Variants in FSHR observed in about 807,000 individuals in gnomAD.
FSHR encodes follicle stimulating hormone receptor.
A neutral mutation model predicts 52.1 loss-of-function variants in FSHR; 46 were observed. That is an observed-to-expected ratio of 0.88 (90% CI 0.70 to 1.13). The LOEUF (loss-of-function observed/expected upper bound fraction) is 1.13, where lower values mean the gene tolerates loss of function less well. FSHR is among the 50% of genes most tolerant of loss of function. The pLI, the probability that FSHR is intolerant of heterozygous loss-of-function variation, is 0.00. For missense variants in FSHR, 964 were observed against 834.6 expected, an observed-to-expected ratio of 1.16 and a Z score of -1.91; for synonymous variants, 399 against 309.6, an observed-to-expected ratio of 1.29 and a Z score of -3.03.
rs572109917 is a variant in FSHR, at chr2:49,116,811, C to A, written c.152+37455G>T. Among the ~76,000 whole-genome samples the A allele has an allele frequency of 3.3e-5, 5 of 152,208 alleles. No individual in the cohort carries two copies. The East Asian group carries it at 9.7e-4, about 29-fold the overall frequency. ...GGTCAAATCAGGGTTCTTAGTGTAACTCTGTTATTTCAAGATTCTGGTCTC... is the reference window on the plus strand; with the variant it reads ...GGTCAAATCAGGGTTCTTAGTGTAAATCTGTTATTTCAAGATTCTGGTCTC... On this transcript the variant is annotated intron_variant, in intron 1 of 9. Coordinates refer to ENST00000406846, the MANE Select transcript of FSHR (RefSeq NM_000145.4).
chr2:48,972,138 A>G (rs1017154541), intron 8 of FSHR, among the ~76,000 whole-genome samples: 1 of 152,168 alleles, frequency 6.6e-6, no homozygotes, highest in Non-Finnish European at 1.5e-5. Flanking sequence ...GGCCTTCCTG[A>G]TATTTTCTGA....
intron 1 of FSHR, among the ~76,000 whole-genome samples, chr2:49,093,667 T>G (rs1670705381): frequency 6.7e-6 from 1 of 150,022 alleles, no homozygotes; most frequent in African/African-American, 2.5e-5. Context: ...CGATCGCAGC[T>G]CGCTGCAACC....
At chr2:48,988,897 A>T in intron 6 of FSHR, 80 bp downstream of exon 6, 1 of 1,191,798 alleles carries the variant, frequency 8.4e-7, no homozygotes, top group Non-Finnish European at 1.2e-6. Flanking sequence ...CAAACAAAAA[A>T]GGAGCATCCA....
At chr2:49,042,952 T>G (rs17038129) in intron 2 of FSHR, among the ~76,000 whole-genome samples, 8,815 of 152,100 alleles carry the variant, frequency 0.058, 305 homozygotes, top group Middle Eastern at 0.078. Flanking sequence ...GACAACACCT[T>G]AGGAAAAAAG....
At chr2:49,013,513 T>TAAATATATATATAA (rs36099655) in intron 4 of FSHR, among the ~76,000 whole-genome samples, 24 of 136,572 alleles carry the variant, frequency 1.8e-4, no homozygotes, top group African/African-American at 6.4e-4. Flanking sequence ...TATATATATA[T>TAAATATATATATAA]ATAAATATAT....
Position 49,020,162 on chromosome 2 carries a change from T to C in FSHR, c.225-2A>G. 6.2e-7 allele frequency: 1 copy of C among 1,611,898 alleles called. No individual in the cohort carries two copies. The highest frequency in any genetic ancestry group is 8.5e-7 in the Non-Finnish European group (1 of 1,178,034). On this transcript the variant is annotated splice_acceptor_variant, in intron 2 of 9. Coordinates refer to ENST00000406846, the MANE Select transcript of FSHR (RefSeq NM_000145.4). LOFTEE classifies it high-confidence loss of function. ...AAGACATCATTCTGAGAGATCTCTC[T>C]GTGGAGAAAAAAATATATAAGTCAA...
chr2:49,059,922 C>A (rs1187786206), intron 2 of FSHR, among the ~76,000 whole-genome samples: 5 of 152,108 alleles, frequency 3.3e-5, no homozygotes, highest in Middle Eastern at 6.8e-3. Context: ...GAAAAGACAA[C>A]CACAGAATGG....
chr2:48,973,890 A>G (rs1250013145), intron 8 of FSHR, among the ~76,000 whole-genome samples: 24 of 152,232 alleles, frequency 1.6e-4, no homozygotes, highest in African/African-American at 4.8e-4. Flanking sequence ...TTGTCTTTTC[A>G]TGTATGTTTG....
chr2:49,065,547 G>A (rs1297298465), intron 2 of FSHR, among the ~76,000 whole-genome samples: 3 of 152,034 alleles, frequency 2.0e-5, no homozygotes, highest in African/African-American at 4.8e-5. Flanking sequence ...ATGGGAATAC[G>A]AGAAATTTAA....
At chr2:49,049,030 C>CT (rs1192855910) in intron 2 of FSHR, among the ~76,000 whole-genome samples, 5 of 151,838 alleles carry the variant, frequency 3.3e-5, no homozygotes, top group Non-Finnish European at 7.4e-5. Flanking sequence ...TGCAGCTTAC[C>CT]TTTAGATTGC....
chr2:48,975,749 A>G (rs1674959464), intron 8 of FSHR, among the ~76,000 whole-genome samples: 2 of 152,252 alleles, frequency 1.3e-5, no homozygotes, highest in East Asian at 3.9e-4. Flanking sequence ...CTCTGTAGCA[A>G]TTGTGAATGG....
chr2:49,052,729 G>A (rs771634514), intron 2 of FSHR, among the ~76,000 whole-genome samples: 4 of 152,128 alleles, frequency 2.6e-5, no homozygotes, highest in Admixed American at 2.0e-4. Flanking sequence ...TCTCCTTTTC[G>A]CTTTGAGTAA....
chr2:49,061,641 A>T (rs1572694448), intron 2 of FSHR, among the ~76,000 whole-genome samples: 1 of 143,078 alleles, frequency 7.0e-6, no homozygotes, highest in African/African-American at 2.5e-5. Flanking sequence ...TATCTATAAT[A>T]TATATAACTA....
intron 1 of FSHR, among the ~76,000 whole-genome samples, chr2:49,090,615 T>G (rs76937214): frequency 0.012 from 1,776 of 152,334 alleles, 38 homozygotes; most frequent in African/African-American, 0.041. Context: ...ACTTTTCATT[T>G]TTCATGATAA....
chr2:48,992,941 A>G (rs1922466), intron 4 of FSHR, among the ~76,000 whole-genome samples: 83,875 of 151,992 alleles, frequency 0.55, 24,701 homozygotes, highest in Non-Finnish European at 0.66. Context: ...CAAATGTAAG[A>G]AACACTTTAA....
At chr2:49,082,424 T>C (rs4467315) in intron 1 of FSHR, among the ~76,000 whole-genome samples, 1 of 151,836 alleles carries the variant, frequency 6.6e-6, no homozygotes, top group South Asian at 2.1e-4. Context: ...CTGGAAACTC[T>C]AAAAAGCAGA....
intron 1 of FSHR, among the ~76,000 whole-genome samples, chr2:49,092,538 A>T: frequency 6.6e-6 from 1 of 152,260 alleles, no homozygotes; most frequent in Non-Finnish European, 1.5e-5. Flanking sequence ...ATGTTTAACC[A>T]AGAATAGATA....
chr2:49,007,220 G>A (rs1237398556), intron 4 of FSHR, among the ~76,000 whole-genome samples: 2 of 152,194 alleles, frequency 1.3e-5, no homozygotes, highest in Middle Eastern at 3.4e-3. Context: ...AGCACGAAAA[G>A]TATAAGAATG....
rs187509160 is a variant in FSHR, at chr2:49,071,908, G to A, written c.153-3618C>T. On this transcript the variant is annotated intron_variant, in intron 1 of 9. Transcript: ENST00000406846. Reference sequence around the variant, plus strand: ...ATTACTGCAAGGATGGCACCAAGCTGCTCATGAGGGATCTGCCCCCGTGAC... The same window carrying A: ...ATTACTGCAAGGATGGCACCAAGCTACTCATGAGGGATCTGCCCCCGTGAC... Among the ~76,000 whole-genome samples, 90 of 152,178 alleles carry A rather than the reference G, an allele frequency of 5.9e-4. 1 individual carries two copies. In the East Asian group the frequency reaches 0.017, roughly 28 times the overall value.
Sources: allele counts gnomAD v4.1 joint callset (sites outside exome capture counted in the v4.1 genomes callset), GRCh38; gene constraint gnomAD v4.1.1; transcripts MANE v1.5; gene names NCBI Gene and HGNC (gene_info 2026-07-23, HGNC 2026-07-21).